Variants in ENTPD6 observed in about 807,000 individuals in gnomAD.
ENTPD6 encodes ectonucleoside triphosphate diphosphohydrolase 6.
In ENTPD6, 46 loss-of-function variants were observed where a neutral mutation model predicts 61.5. That is an observed-to-expected ratio of 0.75 (90% CI 0.59 to 0.96). The LOEUF (loss-of-function observed/expected upper bound fraction) is 0.96, where lower values mean the gene tolerates loss of function less well. Among genes scored for constraint, ENTPD6 ranks in the 40% least tolerant of loss-of-function variants. ENTPD6 has a pLI of 0.00. For synonymous variants in ENTPD6, 252 were observed against 255.5 expected, an observed-to-expected ratio of 0.99 and a Z score of 0.13; for missense variants, 612 against 629.0, an observed-to-expected ratio of 0.97 and a Z score of 0.29.
intron 4 of ENTPD6, 67 bp downstream of exon 4, chr20:25,209,992 G>A: frequency 7.3e-7 from 1 of 1,362,354 alleles, no homozygotes. Context: ...CTTTTCCTTT[G>A]AATGTGGTAG....
intron 1 of ENTPD6, among the ~76,000 whole-genome samples, chr20:25,205,137 C>G (rs1262801015): frequency 6.6e-6 from 1 of 152,160 alleles, no homozygotes; most frequent in African/African-American, 2.4e-5. Context: ...TGCTGGGCAG[C>G]AGCAGCACAA....
At chr20:25,196,206 C>CT (rs2090385635) in intron 1 of ENTPD6, 1 of 1,184,058 alleles carries the variant, frequency 8.4e-7, no homozygotes, top group Non-Finnish European at 1.0e-6. Flanking sequence ...CCCCTCCGCC[C>CT]TGGATGAGCC....
chr20:25,223,415 A>G (rs2092702367), intron 12 of ENTPD6, among the ~76,000 whole-genome samples: 1 of 152,168 alleles, frequency 6.6e-6, no homozygotes, highest in Non-Finnish European at 1.5e-5. Flanking sequence ...AGGGCGGAAA[A>G]AGGTATTCAG....
chr20:25,225,230 G>T lies in ENTPD6; in HGVS notation c.1269G>T (p.Pro423=). The T allele has an allele frequency of 6.2e-7, 1 of 1,613,226 alleles. No individual in the cohort carries two copies. The highest frequency in any genetic ancestry group is 8.5e-7 in the Non-Finnish European group (1 of 1,179,804). Reference sequence around the variant, plus strand: ...TGTGTCGGACCCTGGAGACACAGCCGCAGAGCAGCCCCTTCTCATGCATGG... The same window carrying T: ...TGTGTCGGACCCTGGAGACACAGCCTCAGAGCAGCCCCTTCTCATGCATGG... ...KYVCRTLETQ[P]QSSPFSCMDL... is the part of the protein sequence containing the mutation. Residue 423 remains proline (P), a synonymous_variant, in exon 14 of 15, where the codon CCG becomes CCT. Coordinates refer to ENST00000376652, the MANE Select transcript of ENTPD6 (RefSeq NM_001247.5).
At position 25,222,984 on chromosome 20, in the gene ENTPD6, G is replaced by C; in HGVS notation, c.1186+6G>C. On this transcript the variant is annotated splice_donor_region_variant and intron_variant, in intron 12 of 14. Transcript: ENST00000376652. ...AGCTGGTGTGGGCCTCATAGGTAAG[G>C]GGGCCCGGATGGGCTGAGCAGGAAG... is the stretch of plus-strand genomic sequence containing the variant. 6.2e-7 allele frequency: 1 copy of C among 1,612,802 alleles called. No homozygotes were observed. Among genetic ancestry groups the C allele is most frequent in the East Asian group, 2.2e-5 (1 of 44,852 alleles).
chr20:25,196,421 A>G (rs2090418482), intron 1 of ENTPD6, among the ~76,000 whole-genome samples: 2 of 152,200 alleles, frequency 1.3e-5, no homozygotes, highest in South Asian at 4.1e-4. Flanking sequence ...AGGTGGACAG[A>G]CTAGACTCCT....
At chr20:25,217,237 G>C (rs1479896791) in intron 8 of ENTPD6, among the ~76,000 whole-genome samples, 2 of 152,100 alleles carry the variant, frequency 1.3e-5, no homozygotes, top group African/African-American at 4.8e-5. Context: ...TGGAAGGGTG[G>C]GCTCATAGGT....
chr20:25,214,397 G>A (rs2092187878), intron 5 of ENTPD6, among the ~76,000 whole-genome samples: 1 of 152,226 alleles, frequency 6.6e-6, no homozygotes, highest in Non-Finnish European at 1.5e-5. Context: ...GCCTTAGAGG[G>A]CTTCCGGCTC....
Position 25,195,904 on chromosome 20 carries a change from G to A in ENTPD6, c.-16+37G>A, listed in dbSNP as rs139172791. On this transcript the variant is annotated intron_variant, in intron 1 of 14. Transcript: ENST00000376652. ...GCCGGGGCGCTGGCGGGGGCGGCCG[G>A]GGATCACCGACTGTAGGCGGGCCTC... 3.6e-3 allele frequency: 4,443 copies of A among 1,228,880 alleles called. 15 individuals are homozygous for A. The highest frequency in any genetic ancestry group is 4.2e-3 in the Non-Finnish European group (4,111 of 984,650). The allele number at this position is 1,228,880 out of a possible 1,614,324, so 76.1% of individuals were successfully genotyped here.
At chr20:25,199,892 T>C (rs2090892684) in intron 1 of ENTPD6, among the ~76,000 whole-genome samples, 1 of 152,260 alleles carries the variant, frequency 6.6e-6, no homozygotes, top group South Asian at 2.1e-4. Context: ...CATCTGTCGA[T>C]GGATGTTTGG....
intron 12 of ENTPD6, 137 bp from the exon 13 acceptor site, chr20:25,223,964 A>C: frequency 1.0e-5 from 7 of 691,550 alleles, no homozygotes; most frequent in East Asian, 2.9e-5. Context: ...AGTGCCGCCT[A>C]CAGCTGGAGG....
chr20:25,214,247 C>T (rs2092175027), intron 5 of ENTPD6, among the ~76,000 whole-genome samples: 1 of 152,226 alleles, frequency 6.6e-6, no homozygotes, highest in Non-Finnish European at 1.5e-5. Flanking sequence ...GCACGCCTGT[C>T]AGGGTCCCTC....
rs189754014 is a variant in ENTPD6, at chr20:25,227,032, G to T, written c.*1435G>T. Among the ~76,000 whole-genome samples, 2 of 152,248 alleles carry T rather than the reference G, an allele frequency of 1.3e-5. No individual in the cohort carries two copies. Among genetic ancestry groups the T allele is most frequent in the Non-Finnish European group, 2.9e-5 (2 of 68,038 alleles). On this transcript the variant is annotated 3_prime_UTR_variant, in exon 15 of 15. Coordinates refer to ENST00000376652, the MANE Select transcript of ENTPD6 (RefSeq NM_001247.5). ...GAGCTGCAAGTCCCCATGTCATTCT[G>T]TTCAGCAAGGATCTGGTTTTGGTCT...
In ENTPD6 at chr20:25,213,386, G is replaced by C; in HGVS notation, c.577G>C (p.Ala193Pro). The change falls in exon 5 of 15, where the codon GCC becomes CCC. Residue 193 changes from alanine to proline, a missense_variant. By Grantham distance (27) the Ala-to-Pro change is conservative (BLOSUM62 -1). Coordinates refer to ENST00000376652, the MANE Select transcript of ENTPD6 (RefSeq NM_001247.5). Reference protein sequence around the residue: ...AGLRLLPGEKAQKLLQKVKKV... With the variant: ...AGLRLLPGEKPQKLLQKVKKV... ...CTTACGCCTGTTACCTGGAGAAAAG[G>C]CCCAGAAGTTACTGCAGAAGGTGAG... 1 of 1,611,800 alleles carries C rather than the reference G, an allele frequency of 6.2e-7. No homozygotes were observed. The highest frequency in any genetic ancestry group is 1.1e-5 in the South Asian group (1 of 90,800).
At position 25,209,865 on chromosome 20, in the gene ENTPD6, CCA is replaced by C. The variant is rs1385933222; in HGVS notation, c.395_396del (p.His132ArgfsTer15). On this transcript the variant is annotated frameshift_variant, in exon 4 of 15. Transcript: ENST00000376652. LOFTEE classifies it high-confidence loss of function. ...TCCCCTTAGAAACTCCCACGTTAAC[CCA>C]CGAAACCTTCAAAGCACTGAAGCCA... ...RPPRETPTLT[H>X]ETFKALKPGL... 1 of 1,614,122 alleles carries C rather than the reference CCA, an allele frequency of 6.2e-7. No individual in the cohort carries two copies. The highest frequency in any genetic ancestry group is 1.7e-5 in the Admixed American group (1 of 60,024).
intron 1 of ENTPD6, 25 bp from the exon 2 acceptor site, chr20:25,206,497 A>G (rs1291341052): frequency 1.9e-6 from 3 of 1,582,564 alleles, no homozygotes; most frequent in East Asian, 2.2e-5. Flanking sequence ...TTGGAAGTAC[A>G]CAGACATTAT....
Position 25,217,553 on chromosome 20 carries a change from A to G in ENTPD6, c.850A>G (p.Asn284Asp). ...CTACCTGACGGCACTGCGGATGTTT[A>G]ACAGGACCTACAAGCTCTATTCCTA... Reference protein sequence around the residue: ...PGYLTALRMFNRTYKLYSYSY... With the variant: ...PGYLTALRMFDRTYKLYSYSY... The change falls in exon 9 of 15, where the codon AAC becomes GAC. Residue 284 changes from asparagine (N) to aspartate (D), a missense_variant. Asn to Asp is a conservative substitution (Grantham distance 23, BLOSUM62 1). Coordinates refer to ENST00000376652, the MANE Select transcript of ENTPD6 (RefSeq NM_001247.5). 3 of 1,614,136 alleles carry G rather than the reference A, an allele frequency of 1.9e-6. No homozygotes were observed. In the South Asian group the frequency reaches 3.3e-5, roughly 18 times the overall value.
At chr20:25,209,457 C>T (rs1400864415) in intron 3 of ENTPD6, among the ~76,000 whole-genome samples, 1 of 151,898 alleles carries the variant, frequency 6.6e-6, no homozygotes, top group African/African-American at 2.4e-5. Context: ...ATAGCTTGCA[C>T]CTGTAGTCCC....
intron 1 of ENTPD6, 73 bp downstream of exon 1, chr20:25,195,940 G>T: frequency 8.6e-7 from 1 of 1,158,136 alleles, no homozygotes; most frequent in Non-Finnish European, 1.1e-6. Context: ...CCCCACGCGG[G>T]CGCGCTGCGC....
Sources: allele counts gnomAD v4.1 joint callset (sites outside exome capture counted in the v4.1 genomes callset), GRCh38; gene constraint gnomAD v4.1.1; transcripts MANE v1.5; gene names NCBI Gene and HGNC (gene_info 2026-07-23, HGNC 2026-07-21).